The following SEM1 variants were observed in gnomAD, a reference collection of about 807,000 sequenced individuals.
SEM1 encodes SEM1 26S proteasome subunit, also known as 26S proteasome complex subunit SEM1.
Under a neutral mutation model 12.7 loss-of-function variants are expected in SEM1, and 3 were observed. The observed-to-expected ratio is 0.24, with a 90% confidence interval of 0.11 to 0.61. The LOEUF is 0.61. Among genes scored for constraint, SEM1 ranks in the 20% least tolerant of loss-of-function variants. The pLI is 0.88. For missense variants in SEM1, 59 were observed against 81.3 expected (o/e 0.73, Z 1.06); for synonymous variants, 30 against 27.8 (o/e 1.08, Z -0.25).
At chr7:96,615,540 C>A (rs935191747) in intron 2 of SEM1, among the ~76,000 whole-genome samples, 3 of 152,130 alleles carry the variant, frequency 2.0e-5, no homozygotes, top group East Asian at 3.9e-4. Flanking sequence ...CAGGCATGAG[C>A]CACCACACCC....
At chr7:96,505,158 A>G (rs1468192701) in intron 3 of SEM1, among the ~76,000 whole-genome samples, 1 of 151,994 alleles carries the variant, frequency 6.6e-6, no homozygotes, top group African/African-American at 2.4e-5. Flanking sequence ...GCTGGAGTGC[A>G]GTGGTGCCAT....
chr7:96,597,149 A>G (rs114385004), intron 2 of SEM1, among the ~76,000 whole-genome samples: 188 of 152,338 alleles, frequency 1.2e-3, no homozygotes, highest in African/African-American at 4.4e-3. Context: ...GCATACTGTC[A>G]TAGTCAGGGC....
chr7:96,605,780 A>G (rs1807333143), intron 2 of SEM1, among the ~76,000 whole-genome samples: 1 of 152,058 alleles, frequency 6.6e-6, no homozygotes, highest in African/African-American at 2.4e-5. Context: ...TTAGTTACCT[A>G]TGGTCAACCC....
chr7:96,690,104 G>A (rs2115824023), intron 2 of SEM1, among the ~76,000 whole-genome samples: 1 of 152,240 alleles, frequency 6.6e-6, no homozygotes, highest in South Asian at 2.1e-4. Context: ...AACTCTTGCT[G>A]CCAATCTTGA....
chr7:96,638,768 T>A (rs1027361602), intron 2 of SEM1, among the ~76,000 whole-genome samples: 10 of 151,938 alleles, frequency 6.6e-5, no homozygotes, highest in African/African-American at 2.4e-4. Flanking sequence ...TTATCACACA[T>A]CTTTTTCATT....
intron 2 of SEM1, chr7:96,637,294 G>A (rs1009566979): frequency 1.3e-5 from 2 of 152,008 alleles, no homozygotes; most frequent in Admixed American, 6.6e-5. Context: ...AGATTGACAC[G>A]TTTCCCATAT....
chr7:96,543,087 A>AT (rs978965222), intron 2 of SEM1, among the ~76,000 whole-genome samples: 10 of 151,912 alleles, frequency 6.6e-5, no homozygotes, highest in East Asian at 1.9e-4. Flanking sequence ...TGGGAAATGG[A>AT]TTTTTTTGTG....
intron 2 of SEM1, among the ~76,000 whole-genome samples, chr7:96,510,070 T>C (rs1803890672): frequency 6.6e-6 from 1 of 152,316 alleles, no homozygotes; most frequent in African/African-American, 2.4e-5. Flanking sequence ...ACATATAAAT[T>C]ACCATAATAA....
At position 96,709,805 on chromosome 7, in the gene SEM1, G is replaced by A. The variant is rs772274090; in HGVS notation, c.-42C>T. ...CAACACCTCCCAGATAAGCAGAAAA[G>A]TTGGAACCCTCACTCTTCCTCAAGG... On this transcript the variant is annotated 5_prime_UTR_variant, in exon 1 of 3. Transcript: ENST00000248566. 4 of 1,596,174 alleles carry A rather than the reference G, an allele frequency of 2.5e-6. No individual in the cohort carries two copies. In the South Asian group the frequency reaches 4.4e-5, roughly 18 times the overall value.
At chr7:96,669,804 CT>C (rs1789266437), downstream of SEM1, among the ~76,000 whole-genome samples, 1 of 152,088 alleles carries the variant, frequency 6.6e-6, no homozygotes, top group East Asian at 1.9e-4. Context: ...CATTTTATTA[CT>C]TTATCTCTTT....
intron 1 of SEM1, among the ~76,000 whole-genome samples, chr7:96,494,624 C>T (rs1486737411): frequency 2.0e-5 from 3 of 151,958 alleles, no homozygotes; most frequent in South Asian, 2.1e-4. Context: ...GTGTTAGAAT[C>T]ACAACATTAA....
At chr7:96,531,028 G>A (rs1334825471) in intron 2 of SEM1, among the ~76,000 whole-genome samples, 2 of 152,072 alleles carry the variant, frequency 1.3e-5, no homozygotes, top group East Asian at 3.9e-4. Context: ...CTGGATCATA[G>A]AATTTAGCTA....
intron 2 of SEM1, among the ~76,000 whole-genome samples, chr7:96,638,646 A>G (rs1457256301): frequency 6.6e-6 from 1 of 151,826 alleles, no homozygotes; most frequent in Non-Finnish European, 1.5e-5. Flanking sequence ...TCACTCAACA[A>G]TCCATTATTA....
chr7:96,694,634 G>A (rs1017089899), intron 2 of SEM1, among the ~76,000 whole-genome samples, 164 bp downstream of exon 2: 1 of 151,996 alleles, frequency 6.6e-6, no homozygotes, highest in African/African-American at 2.4e-5. Context: ...AAGTGTTCAT[G>A]TTTAGAATCA....
At chr7:96,655,475 C>T (rs968594424) in intron 2 of SEM1, among the ~76,000 whole-genome samples, 1 of 139,884 alleles carries the variant, frequency 7.1e-6, no homozygotes, top group Non-Finnish European at 1.5e-5. Context: ...TTAGTAGAGA[C>T]GGGATTTTAC....
chr7:96,614,623 G>A (rs893062740), intron 2 of SEM1, among the ~76,000 whole-genome samples: 2 of 152,150 alleles, frequency 1.3e-5, no homozygotes, highest in Non-Finnish European at 2.9e-5. Context: ...AGAGAAGCAC[G>A]CCTTAGCTCC....
At position 96,612,938 on chromosome 7, in the gene SEM1, T is replaced by C. The variant is rs115556657; in HGVS notation, c.170+81860A>G. 2.0e-3 allele frequency among the ~76,000 whole-genome samples: 297 copies of C among 147,870 alleles called. 1 individual carries two copies. The highest frequency in any genetic ancestry group is 7.3e-3 in the African/African-American group (291 of 40,108). ...GCGTGAGCCACTGCACCCAGCCAAATATAGTTGTTTTTAATTTAAAAAATT... is the reference window on the plus strand; with the variant it reads ...GCGTGAGCCACTGCACCCAGCCAAACATAGTTGTTTTTAATTTAAAAAATT... On this transcript the variant is annotated intron_variant and NMD_transcript_variant, in intron 2 of 3. Coordinates refer to the SEM1 transcript ENST00000466986.
chr7:96,652,769 G>A (rs1455647809), intron 2 of SEM1, among the ~76,000 whole-genome samples: 1 of 152,126 alleles, frequency 6.6e-6, no homozygotes, highest in African/African-American at 2.4e-5. Flanking sequence ...TTAATTGTGT[G>A]AATTAAAACA....
intron 1 of SEM1, chr7:96,696,184 T>A (rs1377746042): frequency 1.3e-5 from 2 of 151,894 alleles, no homozygotes; most frequent in East Asian, 3.9e-4. Flanking sequence ...CATCTCACCC[T>A]ATTTTAATGG....
Sources: allele counts gnomAD v4.1 joint callset (sites outside exome capture counted in the v4.1 genomes callset), GRCh38; gene constraint gnomAD v4.1.1; transcripts MANE v1.5; gene names NCBI Gene and HGNC (gene_info 2026-07-23, HGNC 2026-07-21).